The following KYAT1 variants were observed in gnomAD, a reference collection of about 807,000 sequenced individuals.
The protein encoded by KYAT1 is kynurenine--oxoglutarate transaminase 1.
A neutral mutation model predicts 52.4 loss-of-function variants in KYAT1; 47 were observed. That is an observed-to-expected ratio of 0.90 (90% CI 0.71 to 1.14). The LOEUF (loss-of-function observed/expected upper bound fraction) is 1.14, where lower values mean the gene tolerates loss of function less well. Ranked by LOEUF, KYAT1 falls within the 50% of genes most tolerant of loss-of-function variation. The probability of loss-of-function intolerance (pLI) is 0.00; values close to 1 mark genes in which losing one functional copy is unlikely to be tolerated. For synonymous variants in KYAT1, 212 were observed against 209.6 expected, an observed-to-expected ratio of 1.01 and a Z score of -0.10; for missense variants, 480 against 557.9, an observed-to-expected ratio of 0.86 and a Z score of 1.41.
chr9:128,838,769 C>T (rs375442701), intron 3 of KYAT1, among the ~76,000 whole-genome samples: 86 of 152,256 alleles, frequency 5.6e-4, no homozygotes, highest in African/African-American at 1.9e-3. Context: ...GTGCCAGGCC[C>T]GAAGCCCAGG....
chr9:128,847,842 G>A (rs1833359806), intron 1 of KYAT1, among the ~76,000 whole-genome samples: 1 of 152,066 alleles, frequency 6.6e-6, no homozygotes, highest in African/African-American at 2.4e-5. Context: ...AATGATCCAG[G>A]AGAGGATCAC....
intron 2 of KYAT1, 70 bp downstream of exon 2, chr9:128,845,283 T>C: frequency 7.6e-7 from 1 of 1,308,232 alleles, no homozygotes; most frequent in Admixed American, 1.7e-5. Flanking sequence ...ACTGAGTTGC[T>C]GTAAACCCAG....
intron 1 of KYAT1, among the ~76,000 whole-genome samples, chr9:128,874,390 C>T (rs1190940813): frequency 6.6e-6 from 1 of 151,782 alleles, no homozygotes; most frequent in African/African-American, 2.4e-5. Flanking sequence ...CGGCTCACTG[C>T]AGCCTCAACC....
intron 1 of KYAT1, chr9:128,860,513 A>G (rs1161554830): frequency 6.6e-6 from 1 of 150,652 alleles, no homozygotes; most frequent in Non-Finnish European, 1.5e-5. Flanking sequence ...TTACCCTGTG[A>G]CCTAATTTTC....
chr9:128,846,808 G>A (rs1833177707), intron 1 of KYAT1: 1 of 1,535,498 alleles, frequency 6.5e-7, no homozygotes, highest in Non-Finnish European at 8.7e-7. Flanking sequence ...GCCAGTCCCA[G>A]ATGGCTGGTG....
At chr9:128,838,553 G>A (rs1328985629) in intron 3 of KYAT1, among the ~76,000 whole-genome samples, 186 bp from the exon 4 acceptor site, 3 of 152,226 alleles carry the variant, frequency 2.0e-5, no homozygotes, top group Non-Finnish European at 4.4e-5. Context: ...TACACACCAA[G>A]CTATTTGTGG....
chr9:128,843,366 C>T lies in KYAT1; in HGVS notation c.54-565G>A, dbSNP rs76519171. ...CTTTCCAAGTTCTTCCACCATGACCCATAGGAAGAAATCATCTTTTTTTTT... is the reference window on the plus strand; with the variant it reads ...CTTTCCAAGTTCTTCCACCATGACCTATAGGAAGAAATCATCTTTTTTTTT... On this transcript the variant is annotated intron_variant, in intron 2 of 12. Coordinates refer to ENST00000302586, the MANE Select transcript of KYAT1 (RefSeq NM_004059.5). Among the ~76,000 whole-genome samples the T allele has an allele frequency of 8.7e-3, 1,310 of 150,772 alleles. 17 individuals carry two copies. The highest frequency in any genetic ancestry group is 0.031 in the African/African-American group (1,255 of 40,816).
In KYAT1 at chr9:128,838,310, C is replaced by T. The variant is rs976309522; in HGVS notation, c.259G>A (p.Glu87Lys). 1 of 1,614,186 alleles carries T rather than the reference C, an allele frequency of 6.2e-7. No individual in the cohort carries two copies. Among genetic ancestry groups the T allele is most frequent in the African/African-American group, 1.3e-5 (1 of 75,046 alleles). ...AGCACATTCCTGAGCGGGTCTATCTCCTGACCCAGCAGCTCCCCAAAGAAA... is the reference window on the plus strand; with the variant it reads ...AGCACATTCCTGAGCGGGTCTATCTTCTGACCCAGCAGCTCCCCAAAGAAA... ...ASFFGELLGQ[E>K]IDPLRNVLVT... is the part of the protein sequence containing the mutation. Residue 87 changes from glutamate (E) to lysine (K), a missense_variant, in exon 4 of 13, where the codon GAG becomes AAG. Glu to Lys is a moderately conservative substitution (Grantham distance 56, BLOSUM62 1). Transcript: ENST00000302586.
intron 5 of KYAT1, 102 bp downstream of exon 5, chr9:128,837,949 C>A: frequency 5.4e-6 from 8 of 1,494,034 alleles, no homozygotes; most frequent in Non-Finnish European, 7.5e-6. Context: ...CTTAGAGGAA[C>A]TGGCTTCCTT....
chr9:128,870,786 G>T (rs569467840), intron 1 of KYAT1, among the ~76,000 whole-genome samples: 1 of 152,148 alleles, frequency 6.6e-6, no homozygotes, highest in African/African-American at 2.4e-5. Context: ...GGAGGTAATG[G>T]GGAGTGACTA....
At chr9:128,846,440 A>G (rs1357255592) in intron 1 of KYAT1, among the ~76,000 whole-genome samples, 3 of 151,762 alleles carry the variant, frequency 2.0e-5, no homozygotes, top group Non-Finnish European at 4.4e-5. Flanking sequence ...GGAAAAACAA[A>G]CAAAGAAACT....
intron 1 of KYAT1, among the ~76,000 whole-genome samples, chr9:128,849,802 A>G (rs1833680087): frequency 7.4e-6 from 1 of 135,086 alleles, no homozygotes; most frequent in Admixed American, 8.4e-5. Context: ...TCTCAAAAAA[A>G]AAAAAAAAGA....
chr9:128,853,179 A>G (rs996276835), intron 1 of KYAT1, among the ~76,000 whole-genome samples: 3 of 152,242 alleles, frequency 2.0e-5, no homozygotes, highest in Non-Finnish European at 4.4e-5. Context: ...ACAAGCTTTT[A>G]TCAATTCTGC....
intron 1 of KYAT1, among the ~76,000 whole-genome samples, chr9:128,880,628 G>C (rs1308492724): frequency 6.6e-6 from 1 of 151,916 alleles, no homozygotes; most frequent in Non-Finnish European, 1.5e-5. Context: ...ATTTTTAGTA[G>C]AGACGGGGTT....
At chr9:128,841,417 G>T (rs920613638) in intron 3 of KYAT1, among the ~76,000 whole-genome samples, 5 of 151,852 alleles carry the variant, frequency 3.3e-5, no homozygotes, top group African/African-American at 1.2e-4. Flanking sequence ...GCAGGAGAAT[G>T]GCTTGAACCC....
intron 1 of KYAT1, among the ~76,000 whole-genome samples, chr9:128,871,751 G>A (rs1458613069): frequency 1.3e-5 from 2 of 152,060 alleles, no homozygotes; most frequent in Non-Finnish European, 2.9e-5. Context: ...ACATATGTGA[G>A]GATGCATACA....
chr9:128,848,802 C>CA (rs1294872244), intron 1 of KYAT1, among the ~76,000 whole-genome samples: 1 of 127,416 alleles, frequency 7.8e-6, no homozygotes, highest in African/African-American at 3.0e-5. Context: ...GCCTGGGTGA[C>CA]AGAGTGAGAC....
chr9:128,875,911 CATCACTG>C (rs1837952480), intron 1 of KYAT1, among the ~76,000 whole-genome samples: 1 of 152,152 alleles, frequency 6.6e-6, no homozygotes, highest in Admixed American at 6.5e-5. Flanking sequence ...CCGTGGAATG[CATCACTG>C]ATGCATTCCA....
intron 3 of KYAT1, among the ~76,000 whole-genome samples, chr9:128,839,628 AAAAACAAAAACAAACAAAAC>A (rs1380032186): frequency 1.3e-5 from 2 of 152,190 alleles, no homozygotes; most frequent in Non-Finnish European, 2.9e-5. Flanking sequence ...CCGTCTCAAA[AAAAACAAAAACAAACAAAAC>A]AAAACAAAAA....
Sources: gnomAD v4.1 joint callset for allele counts (sites outside exome capture counted in the v4.1 genomes callset) on GRCh38, gnomAD v4.1.1 for gene constraint, MANE v1.5 for transcripts, NCBI Gene and HGNC (gene_info 2026-07-23, HGNC 2026-07-21) for gene names.